Variants in TTLL5 observed in about 807,000 individuals in gnomAD.
The protein encoded by TTLL5 is tubulin polyglutamylase TTLL5.
Under a neutral mutation model 168.4 loss-of-function variants are expected in TTLL5, and 132 were observed. The ratio of observed to expected loss-of-function variants is 0.78; its 90% CI spans 0.68 to 0.91. The LOEUF (loss-of-function observed/expected upper bound fraction) is 0.91, where lower values mean the gene tolerates loss of function less well. Among genes scored for constraint, TTLL5 ranks in the 40% least tolerant of loss-of-function variants. The pLI, the probability that TTLL5 is intolerant of heterozygous loss-of-function variation, is 0.00. For synonymous variants in TTLL5, 546 were observed against 558.6 expected (o/e 0.98, Z 0.32); for missense variants, 1,545 against 1,581.5 (o/e 0.98, Z 0.39).
chr14:75,862,150 T>G (rs1414030811), intron 28 of TTLL5, among the ~76,000 whole-genome samples: 1 of 152,228 alleles, frequency 6.6e-6, no homozygotes, highest in East Asian at 1.9e-4. Flanking sequence ...GCATAATGTC[T>G]TCAAGGTTCT....
chr14:75,793,185 C>G, intron 27 of TTLL5, 85 bp downstream of exon 27: 1 of 1,322,078 alleles, frequency 7.6e-7, no homozygotes, highest in African/African-American at 1.5e-5. Flanking sequence ...CCTGTCTTTA[C>G]TATTCCCATA....
At chr14:75,737,336 A>T (rs543381339) in intron 15 of TTLL5, among the ~76,000 whole-genome samples, 3 of 152,270 alleles carry the variant, frequency 2.0e-5, no homozygotes, top group South Asian at 2.1e-4. Flanking sequence ...TGGCAGTAGG[A>T]TTGTGCCCTC....
At chr14:75,684,314 A>G (rs1884863629) in intron 5 of TTLL5, 1 of 152,176 alleles carries the variant, frequency 6.6e-6, no homozygotes, top group South Asian at 2.1e-4. Context: ...AGAATGGCTC[A>G]CCTAGAATCT....
chr14:75,925,428 AGAGGCGCTCCTCACATCCCAGACGGGGCG>A (rs2034009814), intron 31 of TTLL5, among the ~76,000 whole-genome samples: 1 of 135,380 alleles, frequency 7.4e-6, no homozygotes, highest in Admixed American at 7.1e-5. Context: ...GCGGCGGGGC[AGAGGCGCTCCTCACATCCCAGACGGGGCG>A]GCGGGGCAGA....
chr14:75,861,970 T>C (rs2030040993), intron 28 of TTLL5, among the ~76,000 whole-genome samples: 1 of 152,260 alleles, frequency 6.6e-6, no homozygotes, highest in African/African-American at 2.4e-5. Context: ...TTTGTCATTA[T>C]GCCAAACTGA....
rs182339586 is a variant in TTLL5 at position 75,668,878 on chromosome 14, C to T, written c.75-538C>T. On this transcript the variant is annotated intron_variant, in intron 2 of 31. Transcript: ENST00000298832. ...ATGGTCCTAAGTAATAAAGAGAATA[C>T]TTTCACTCATATTCAGGCATATCTT... 4.7e-4 allele frequency among the ~76,000 whole-genome samples: 72 copies of T among 152,282 alleles called. 1 individual carries two copies. In the East Asian group the frequency reaches 0.012, roughly 26 times the overall value.
chr14:75,752,623 A>G (rs1412123171), intron 17 of TTLL5, among the ~76,000 whole-genome samples: 3 of 152,072 alleles, frequency 2.0e-5, no homozygotes, highest in Non-Finnish European at 4.4e-5. Context: ...ATTACCTATT[A>G]TTAATCCAAG....
intron 12 of TTLL5, among the ~76,000 whole-genome samples, chr14:75,723,086 A>G (rs1012585192): frequency 2.0e-5 from 3 of 152,054 alleles, no homozygotes; most frequent in Non-Finnish European, 4.4e-5. Flanking sequence ...GACAGTAAGA[A>G]TATCTCCGTC....
chr14:75,879,372 C>G (rs1468214879), intron 29 of TTLL5, among the ~76,000 whole-genome samples: 1 of 152,212 alleles, frequency 6.6e-6, no homozygotes, highest in Non-Finnish European at 1.5e-5. Flanking sequence ...GCATAAGCAA[C>G]TGCCATTCAC....
chr14:75,731,779 A>G (rs907950508), intron 12 of TTLL5, among the ~76,000 whole-genome samples: 5 of 152,288 alleles, frequency 3.3e-5, no homozygotes, highest in Admixed American at 3.3e-4. Flanking sequence ...TTGAAACTGT[A>G]GGAGAGGGGA....
intron 30 of TTLL5, among the ~76,000 whole-genome samples, chr14:75,888,085 A>C (rs886629716): frequency 1.4e-4 from 21 of 152,316 alleles, no homozygotes; most frequent in Admixed American, 1.2e-3. Flanking sequence ...TAGAAAGGAC[A>C]TGAGCGCCAG....
At chr14:75,896,141 A>G (rs73321441) in intron 30 of TTLL5, among the ~76,000 whole-genome samples, 37 of 152,284 alleles carry the variant, frequency 2.4e-4, no homozygotes, top group African/African-American at 8.9e-4. Flanking sequence ...ATAATGTTCT[A>G]ATTGTTATTT....
intron 31 of TTLL5, among the ~76,000 whole-genome samples, chr14:75,933,368 C>G (rs1023226488): frequency 3.2e-4 from 48 of 152,172 alleles, no homozygotes; most frequent in African/African-American, 1.1e-3. Flanking sequence ...GAGGCTGAGG[C>G]AGGAGGATTG....
At position 75,661,332 on chromosome 14, in the gene TTLL5, T is replaced by G. The variant is rs1594826515; in HGVS notation, c.-151T>G. ...CCTTCCTGGGGAAGGAGGAGGGAGG[T>G]AGGCGCAGAGCGCGGTCCACGCCTG... On this transcript the variant is annotated 5_prime_UTR_variant, in exon 1 of 32. Coordinates refer to ENST00000298832, the MANE Select transcript of TTLL5 (RefSeq NM_015072.5). The G allele has an allele frequency of 6.6e-6, 1 of 152,040 alleles. No homozygotes were observed. Among genetic ancestry groups the G allele is most frequent in the African/African-American group, 2.4e-5 (1 of 41,368 alleles). The allele number at this position is 152,040 out of a possible 1,614,324, so 9.4% of individuals were successfully genotyped here.
chr14:75,762,740 T>G (rs1369740550), intron 18 of TTLL5, among the ~76,000 whole-genome samples: 1 of 152,232 alleles, frequency 6.6e-6, no homozygotes, highest in East Asian at 1.9e-4. Flanking sequence ...TTGTAGTAGC[T>G]TCTCCATATC....
At chr14:75,717,463 C>A (rs1038661975) in intron 9 of TTLL5, among the ~76,000 whole-genome samples, 1 of 152,168 alleles carries the variant, frequency 6.6e-6, no homozygotes, top group African/African-American at 2.4e-5. Context: ...CAGTATCCTA[C>A]ACACAATTTC....
At chr14:75,815,351 T>C (rs888057890) in intron 27 of TTLL5, among the ~76,000 whole-genome samples, 1 of 152,236 alleles carries the variant, frequency 6.6e-6, no homozygotes, top group Non-Finnish European at 1.5e-5. Flanking sequence ...TAAGTAGCAG[T>C]CACTTTTGCT....
chr14:75,756,615 C>T (rs1464208668), intron 18 of TTLL5, among the ~76,000 whole-genome samples: 1 of 151,510 alleles, frequency 6.6e-6, no homozygotes, highest in African/African-American at 2.4e-5. Context: ...TCAAGTGATT[C>T]TCCTGCCTCA....
intron 6 of TTLL5, among the ~76,000 whole-genome samples, chr14:75,693,298 G>A (rs1180387888): frequency 6.6e-6 from 1 of 152,142 alleles, no homozygotes; most frequent in Admixed American, 6.5e-5. Flanking sequence ...AAGGCAGAAA[G>A]GGATTGGAAT....
Sources: gnomAD v4.1 joint callset for allele counts (sites outside exome capture counted in the v4.1 genomes callset) on GRCh38, gnomAD v4.1.1 for gene constraint, MANE v1.5 for transcripts, NCBI Gene and HGNC (gene_info 2026-07-23, HGNC 2026-07-21) for gene names.